The following KLHL20 variants were observed in gnomAD, a reference collection of about 807,000 sequenced individuals.
The protein encoded by KLHL20 is kelch-like protein 20.
Under a neutral mutation model 69.5 loss-of-function variants are expected in KLHL20, and 29 were observed. The ratio of observed to expected loss-of-function variants is 0.42; its 90% confidence interval spans 0.31 to 0.57. The LOEUF (loss-of-function observed/expected upper bound fraction) is 0.57, where lower values mean the gene tolerates loss of function less well. KLHL20 is among the 20% of genes least tolerant of loss of function. KLHL20 has a pLI of 0.18. For missense variants in KLHL20, 419 were observed against 776.0 expected (o/e 0.54, Z 5.47); for synonymous variants, 253 against 265.2 (o/e 0.95, Z 0.45).
chr1:173,733,104 C>G (rs908335959), intron 2 of KLHL20, among the ~76,000 whole-genome samples: 1 of 149,446 alleles, frequency 6.7e-6, no homozygotes, highest in Admixed American at 6.7e-5. Context: ...ACTGCAGCCT[C>G]TGCCTCCAGG....
chr1:173,735,936 CTTTTTTTTTT>C (rs769632286), intron 3 of KLHL20, among the ~76,000 whole-genome samples: 1 of 105,980 alleles, frequency 9.4e-6, no homozygotes, highest in Non-Finnish European at 1.8e-5. Flanking sequence ...GCCATTCTAT[CTTTTTTTTTT>C]TTTTTTTTTT....
intron 3 of KLHL20, among the ~76,000 whole-genome samples, chr1:173,746,087 T>G (rs1288557223): frequency 6.6e-6 from 1 of 152,206 alleles, no homozygotes; most frequent in African/African-American, 2.4e-5. Context: ...AACTTTCTCC[T>G]TAAACCCATT....
intron 5 of KLHL20, among the ~76,000 whole-genome samples, chr1:173,754,118 T>G (rs1004862346): frequency 1.3e-5 from 2 of 152,200 alleles, no homozygotes; most frequent in African/African-American, 2.4e-5. Context: ...TGGTAGGACA[T>G]GTAGATTCAC....
rs547681711 is a variant in KLHL20 at position 173,753,866 on chromosome 1, A to G, written c.851+559A>G. 1.9e-3 allele frequency among the ~76,000 whole-genome samples: 295 copies of G among 152,296 alleles called. 1 individual carries two copies. Among genetic ancestry groups the G allele is most frequent in the African/African-American group, 6.7e-3 (277 of 41,564 alleles). On this transcript the variant is annotated intron_variant, in intron 5 of 11. Transcript: ENST00000209884. The stretch of plus-strand genomic sequence containing the variant: ...TCAAAGGGGGGGAAAAAAGCAACCT[A>G]TTTTACTAGGCTGTCTTTAAAGTAT...
intron 11 of KLHL20, among the ~76,000 whole-genome samples, 189 bp from the exon 12 acceptor site, chr1:173,784,974 T>G (rs1429111308): frequency 2.0e-5 from 3 of 152,232 alleles, no homozygotes; most frequent in Non-Finnish European, 2.9e-5. Context: ...GAAACAGTCC[T>G]GCTACTCAAC....
chr1:173,743,027 G>A (rs1672891545), intron 3 of KLHL20, among the ~76,000 whole-genome samples: 2 of 149,906 alleles, frequency 1.3e-5, no homozygotes, highest in African/African-American at 2.4e-5. Flanking sequence ...ACAGAAAAAT[G>A]GTAATTCCCA....
rs1672422313 is a variant in KLHL20, at chr1:173,734,223, C to T, written c.534C>T (p.Asp178=). The T allele has an allele frequency of 5.6e-6, 9 of 1,614,210 alleles. No individual in the cohort carries two copies. Among genetic ancestry groups the T allele is most frequent in the Middle Eastern group, 1.6e-4 (1 of 6,062 alleles). ...GCCTGGGCATTCGGGCTTTTGCTGA[C>T]ACACATTCATGTCGTGAGTTGCTAA... ...SNCLGIRAFA[D]THSCRELLRI... is the part of the protein sequence containing the mutation. Residue 178 remains aspartate (D), a synonymous_variant, in exon 3 of 12, where the codon GAC becomes GAT. Coordinates refer to ENST00000209884, the MANE Select transcript of KLHL20 (RefSeq NM_014458.4).
At chr1:173,717,261 T>C (rs1671510947) in intron 2 of KLHL20, among the ~76,000 whole-genome samples, 1 of 152,126 alleles carries the variant, frequency 6.6e-6, no homozygotes, top group Non-Finnish European at 1.5e-5. Context: ...AATAGCAGAG[T>C]GTGGGAATGT....
At chr1:173,721,758 A>T (rs1416609360) in intron 2 of KLHL20, among the ~76,000 whole-genome samples, 1 of 152,228 alleles carries the variant, frequency 6.6e-6, no homozygotes, top group East Asian at 1.9e-4. Flanking sequence ...TGTGGAATAT[A>T]GTGCCTATTG....
intron 11 of KLHL20, among the ~76,000 whole-genome samples, chr1:173,783,947 C>G (rs1039310619): frequency 6.6e-6 from 1 of 151,080 alleles, no homozygotes; most frequent in South Asian, 2.1e-4. Context: ...TCCTGCCAAG[C>G]GCACGCCTGT....
intron 3 of KLHL20, among the ~76,000 whole-genome samples, chr1:173,743,225 C>T (rs1276675567): frequency 6.6e-6 from 1 of 151,436 alleles, no homozygotes; most frequent in Admixed American, 6.6e-5. Context: ...ACTTTTTTAG[C>T]CTTATATTGG....
intron 2 of KLHL20, among the ~76,000 whole-genome samples, chr1:173,717,425 A>T (rs1391057068): frequency 6.6e-6 from 1 of 152,178 alleles, no homozygotes; most frequent in Non-Finnish European, 1.5e-5. Context: ...TTTCTTCATC[A>T]CTGTCACTTG....
chr1:173,736,845 C>A (rs2102476797), intron 3 of KLHL20, among the ~76,000 whole-genome samples: 1 of 152,340 alleles, frequency 6.6e-6, no homozygotes, highest in East Asian at 1.9e-4. Context: ...ATCTGCCCGC[C>A]TTGGCCTCCC....
chr1:173,725,134 A>G (rs1416212857), intron 2 of KLHL20, among the ~76,000 whole-genome samples: 1 of 152,098 alleles, frequency 6.6e-6, no homozygotes, highest in Non-Finnish European at 1.5e-5. Flanking sequence ...AAATAGTTGT[A>G]CAGAAATTTG....
In KLHL20 at chr1:173,751,829, T is replaced by C; in HGVS notation, c.663T>C (p.Asp221=). 6.2e-7 allele frequency: 1 copy of C among 1,612,860 alleles called. No homozygotes were observed. The highest frequency in any genetic ancestry group is 8.5e-7 in the Non-Finnish European group (1 of 1,178,848). The change falls in exon 4 of 12, where the codon GAT becomes GAC. Residue 221 remains aspartate (D), a synonymous_variant. Coordinates refer to ENST00000209884, the MANE Select transcript of KLHL20 (RefSeq NM_014458.4). ...ANQLIDIISS[D]ELNVRSEEQV... ...AACTCATTGATATAATATCCAGTGATGAGCTAAACGTTCGCAGTGAAGAAC... is the reference window on the plus strand; with the variant it reads ...AACTCATTGATATAATATCCAGTGACGAGCTAAACGTTCGCAGTGAAGAAC...
At chr1:173,719,632 A>T (rs1671628045) in intron 2 of KLHL20, among the ~76,000 whole-genome samples, 2 of 152,132 alleles carry the variant, frequency 1.3e-5, no homozygotes, top group African/African-American at 2.4e-5. Flanking sequence ...AAAAAAAAGA[A>T]TAAATTCTTA....
At chr1:173,776,449 T>A (rs1363034500) in intron 10 of KLHL20, among the ~76,000 whole-genome samples, 2 of 152,162 alleles carry the variant, frequency 1.3e-5, no homozygotes, top group Non-Finnish European at 2.9e-5. Context: ...GTCTATTTTT[T>A]CTTTGGTTGC....
At chr1:173,772,709 C>T (rs942049982) in intron 8 of KLHL20, among the ~76,000 whole-genome samples, 1 of 152,118 alleles carries the variant, frequency 6.6e-6, no homozygotes, top group Non-Finnish European at 1.5e-5. Context: ...ATTAGTGTAT[C>T]TAGACATTGA....
At position 173,781,958 on chromosome 1, in the gene KLHL20, A is replaced by T. The variant is rs73035162; in HGVS notation, c.1639-166A>T. 9.0e-3 allele frequency: 4,856 copies of T among 539,406 alleles called. 208 individuals carry two copies. The highest frequency in any genetic ancestry group is 0.085 in the African/African-American group (4,487 of 52,504). 33.4% of individuals were successfully genotyped at this position (539,406 alleles called of 1,614,324 possible). ...TTGAATATATAATTTTATAGTTCCC[A>T]TAATTTGATAGACTTTTGTTGTTAC... On this transcript the variant is annotated intron_variant, in intron 10 of 11. Coordinates refer to ENST00000209884, the MANE Select transcript of KLHL20 (RefSeq NM_014458.4).
Sources: allele counts gnomAD v4.1 joint callset (sites outside exome capture counted in the v4.1 genomes callset), GRCh38; gene constraint gnomAD v4.1.1; transcripts MANE v1.5; gene names NCBI Gene and HGNC (gene_info 2026-07-23, HGNC 2026-07-21).